Variants in SGMS1 observed in about 807,000 individuals in gnomAD.
SGMS1 encodes sphingomyelin synthase 1.
In SGMS1, 13 loss-of-function variants were observed where a neutral mutation model predicts 46.2. The ratio of observed to expected loss-of-function variants is 0.28; its 90% CI spans 0.18 to 0.45. SGMS1 has a LOEUF of 0.45. SGMS1 is among the 20% of genes least tolerant of loss of function. SGMS1 has a pLI of 1.00. For synonymous variants in SGMS1, 203 were observed against 187.8 expected, an observed-to-expected ratio of 1.08 and a Z score of -0.66; for missense variants, 324 against 519.9, an observed-to-expected ratio of 0.62 and a Z score of 3.66.
chr10:50,435,799 C>T (rs187169134), intron 5 of SGMS1, among the ~76,000 whole-genome samples: 2 of 152,114 alleles, frequency 1.3e-5, no homozygotes, highest in Admixed American at 6.5e-5. Context: ...ACCAGGTGAA[C>T]GCATACTAAC....
rs191361867 is a variant in SGMS1 at position 50,361,848 on chromosome 10, C to G, written c.-231-17503G>C. Among the ~76,000 whole-genome samples, 11 of 152,344 alleles carry G rather than the reference C, an allele frequency of 7.2e-5. No individual in the cohort carries two copies. The East Asian group carries it at 2.1e-3, about 29-fold the overall frequency. On this transcript the variant is annotated intron_variant, in intron 6 of 10. Transcript: ENST00000361781. ...CAGATGCCTTGACTTAGCTCCAAGG[C>G]CTTCCATGACACGGCCTATTTATTT...
intron 9 of SGMS1, among the ~76,000 whole-genome samples, chr10:50,309,792 A>C (rs578059327): frequency 6.6e-6 from 1 of 152,238 alleles, no homozygotes; most frequent in East Asian, 1.9e-4. Flanking sequence ...TTCAAGAACA[A>C]AACTAGGTTT....
At position 50,408,027 on chromosome 10, in the gene SGMS1, G is replaced by A. The variant is rs185683613; in HGVS notation, c.-232+25449C>T. ...TAGAGCTTTCTGAGATGATGGAATGGTTCTGTATCTGTTCTACATAATATG... is the reference window on the plus strand; with the variant it reads ...TAGAGCTTTCTGAGATGATGGAATGATTCTGTATCTGTTCTACATAATATG... On this transcript the variant is annotated intron_variant, in intron 6 of 10. Transcript: ENST00000361781. Among the ~76,000 whole-genome samples, 97 of 152,264 alleles carry A rather than the reference G, an allele frequency of 6.4e-4. No homozygotes were observed. In the East Asian group the frequency reaches 0.012, roughly 19 times the overall value.
chr10:50,542,678 TAG>T (rs955030111), intron 2 of SGMS1, among the ~76,000 whole-genome samples: 1 of 148,926 alleles, frequency 6.7e-6, no homozygotes, highest in African/African-American at 2.4e-5. Flanking sequence ...AATGCACTTA[TAG>T]AGAGAGGGGA....
At chr10:50,321,438 C>T (rs567854446) in intron 8 of SGMS1, among the ~76,000 whole-genome samples, 1 of 152,062 alleles carries the variant, frequency 6.6e-6, no homozygotes, top group Admixed American at 6.5e-5. Flanking sequence ...TAGAACATTG[C>T]TATCTTTAAT....
At chr10:50,378,321 G>C (rs1477912881) in intron 6 of SGMS1, among the ~76,000 whole-genome samples, 1 of 152,172 alleles carries the variant, frequency 6.6e-6, no homozygotes, top group African/African-American at 2.4e-5. Context: ...ATACCAGAGA[G>C]AGATGGGAAG....
chr10:50,348,177 C>A (rs1203742804), intron 6 of SGMS1, among the ~76,000 whole-genome samples: 1 of 152,120 alleles, frequency 6.6e-6, no homozygotes. Context: ...CATGTCCCTG[C>A]TATTTATGAC....
At chr10:50,539,104 C>G (rs1038726346) in intron 2 of SGMS1, among the ~76,000 whole-genome samples, 17 of 152,240 alleles carry the variant, frequency 1.1e-4, no homozygotes, top group Non-Finnish European at 2.2e-4. Context: ...AGAACAGTGA[C>G]AGCCCTGGTG....
chr10:50,310,784 C>T (rs1253196093), intron 9 of SGMS1, among the ~76,000 whole-genome samples: 1 of 152,184 alleles, frequency 6.6e-6, no homozygotes, highest in East Asian at 1.9e-4. Flanking sequence ...TTAGTATCTG[C>T]CTCAGCCCTG....
chr10:50,388,982 G>C (rs12252843), intron 6 of SGMS1, among the ~76,000 whole-genome samples: 8,854 of 152,164 alleles, frequency 0.058, 603 homozygotes, highest in African/African-American at 0.17. Flanking sequence ...CTTACTAAAT[G>C]AGTAAATTTT....
At chr10:50,358,601 A>G (rs1019803380) in intron 6 of SGMS1, among the ~76,000 whole-genome samples, 5 of 152,178 alleles carry the variant, frequency 3.3e-5, no homozygotes, top group Non-Finnish European at 5.9e-5. Context: ...AGGCATGAGA[A>G]TTGCTAGAAC....
intron 3 of SGMS1, among the ~76,000 whole-genome samples, chr10:50,510,227 T>C (rs1461714427): frequency 6.6e-6 from 1 of 152,218 alleles, no homozygotes; most frequent in Non-Finnish European, 1.5e-5. Context: ...TGTGTTGTTC[T>C]TTCTTATTGA....
At chr10:50,373,822 C>G (rs1409757548) in intron 6 of SGMS1, among the ~76,000 whole-genome samples, 1 of 152,120 alleles carries the variant, frequency 6.6e-6, no homozygotes, top group African/African-American at 2.4e-5. Context: ...ACTTTCTTAC[C>G]ATAAAATAAC....
intron 2 of SGMS1, among the ~76,000 whole-genome samples, chr10:50,568,562 C>A (rs982068016): frequency 8.5e-5 from 13 of 152,074 alleles, no homozygotes; most frequent in African/African-American, 3.1e-4. Flanking sequence ...AGACTGAAGG[C>A]GGTGCTGTGG....
intron 8 of SGMS1, among the ~76,000 whole-genome samples, chr10:50,317,723 C>T (rs187577744): frequency 6.6e-6 from 1 of 152,034 alleles, no homozygotes; most frequent in East Asian, 1.9e-4. Flanking sequence ...AACATTTATT[C>T]ACTATTCACT....
intron 3 of SGMS1, among the ~76,000 whole-genome samples, chr10:50,495,862 A>C (rs760735938): frequency 6.6e-6 from 1 of 152,208 alleles, no homozygotes; most frequent in Non-Finnish European, 1.5e-5. Context: ...ACATAAGAAA[A>C]TTTGGCCTAT....
chr10:50,525,979 C>T (rs145352764), intron 2 of SGMS1, among the ~76,000 whole-genome samples: 748 of 152,204 alleles, frequency 4.9e-3, no homozygotes, highest in Non-Finnish European at 7.5e-3. Context: ...TCAGAAGTTG[C>T]GATAATAATC....
At chr10:50,379,681 C>T (rs1848573808) in intron 6 of SGMS1, among the ~76,000 whole-genome samples, 1 of 152,150 alleles carries the variant, frequency 6.6e-6, no homozygotes, top group South Asian at 2.1e-4. Context: ...CCTAAGAATT[C>T]TCAAGTCCAG....
intron 7 of SGMS1, chr10:50,328,116 G>T (rs765640343): frequency 2.6e-6 from 1 of 378,526 alleles, no homozygotes; most frequent in South Asian, 2.0e-5. Context: ...ATGTAGGTTT[G>T]TATCTATCTA....
Sources: gnomAD v4.1 joint callset for allele counts (sites outside exome capture counted in the v4.1 genomes callset) on GRCh38, gnomAD v4.1.1 for gene constraint, MANE v1.5 for transcripts, NCBI Gene and HGNC (gene_info 2026-07-23, HGNC 2026-07-21) for gene names.